DLGAP1: variants seen among roughly 807,000 people sequenced by gnomAD.
The protein encoded by DLGAP1 is disks large-associated protein 1.
Under a neutral mutation model 90.8 loss-of-function variants are expected in DLGAP1, and 11 were observed. The ratio of observed to expected loss-of-function variants is 0.12; its 90% CI spans 0.08 to 0.20. The LOEUF is 0.20. Among genes scored for constraint, DLGAP1 ranks in the 10% least tolerant of loss-of-function variants. DLGAP1 has a pLI of 1.00. For synonymous variants in DLGAP1, 558 were observed against 540.7 expected (o/e 1.03, Z -0.44); for missense variants, 1,050 against 1,333.8 (o/e 0.79, Z 3.31).
intron 7 of DLGAP1, among the ~76,000 whole-genome samples, chr18:3,600,969 GATAGATATATAGAT>G (rs1469091367): frequency 5.7e-5 from 5 of 87,502 alleles, no homozygotes; most frequent in African/African-American, 1.8e-4. Context: ...TAGATATATA[GATAGATATATAGAT>G]ATAGATATAT....
At chr18:4,206,357 C>T (rs1269877430) in intron 1 of DLGAP1, among the ~76,000 whole-genome samples, 3 of 152,048 alleles carry the variant, frequency 2.0e-5, no homozygotes, top group African/African-American at 7.2e-5. Context: ...GCAAAAATGA[C>T]TGAGTCTGGG....
intron 1 of DLGAP1, among the ~76,000 whole-genome samples, chr18:4,184,071 G>A (rs1167200029): frequency 6.6e-6 from 1 of 152,110 alleles, no homozygotes; most frequent in Non-Finnish European, 1.5e-5. Flanking sequence ...AAAGAAGAGC[G>A]TTAAATATTT....
chr18:3,737,570 A>G (rs2062703274), intron 6 of DLGAP1, among the ~76,000 whole-genome samples: 1 of 151,566 alleles, frequency 6.6e-6, no homozygotes, highest in African/African-American at 2.4e-5. Flanking sequence ...ACAAAATTCA[A>G]CAAGCCTTCA....
At chr18:3,610,667 T>C (rs1379179550) in intron 7 of DLGAP1, among the ~76,000 whole-genome samples, 1 of 150,854 alleles carries the variant, frequency 6.6e-6, no homozygotes, top group Non-Finnish European at 1.5e-5. Flanking sequence ...AAATGCTGTC[T>C]ACTAAAAATA....
At chr18:3,998,459 C>T (rs1007528565) in intron 3 of DLGAP1, among the ~76,000 whole-genome samples, 4 of 150,058 alleles carry the variant, frequency 2.7e-5, no homozygotes, top group African/African-American at 9.9e-5. Flanking sequence ...ATTCCAGGTC[C>T]GTCTTGTACA....
At position 4,069,100 on chromosome 18, in the gene DLGAP1, C is replaced by G. The variant is rs2075410297; in HGVS notation, c.-158-63899G>C. Among the ~76,000 whole-genome samples the G allele has an allele frequency of 3.3e-5, 5 of 152,146 alleles. No individual in the cohort carries two copies. In the South Asian group the frequency reaches 1.0e-3, roughly 32 times the overall value. On this transcript the variant is annotated intron_variant, in intron 2 of 12. Transcript: ENST00000315677. ...TCTGAGAGTATATAGATAGATATTA[C>G]CTGGCATGCAGCACAATCATGACTG...
At chr18:4,247,764 A>C (rs2078685019) in intron 1 of DLGAP1, among the ~76,000 whole-genome samples, 1 of 151,972 alleles carries the variant, frequency 6.6e-6, no homozygotes, top group Non-Finnish European at 1.5e-5. Context: ...GTGACAGAGC[A>C]AGACTCCATC....
At chr18:4,211,276 G>C (rs190113885) in intron 1 of DLGAP1, among the ~76,000 whole-genome samples, 71 of 152,250 alleles carry the variant, frequency 4.7e-4, no homozygotes, top group Non-Finnish European at 7.6e-4. Flanking sequence ...CATGAATCAC[G>C]AGCAGCTTGT....
At chr18:3,579,266 A>C (rs1433521833) in intron 8 of DLGAP1, among the ~76,000 whole-genome samples, 1 of 152,208 alleles carries the variant, frequency 6.6e-6, no homozygotes, top group East Asian at 1.9e-4. Context: ...ACTTGTGTGC[A>C]ATGGCATGAT....
chr18:4,055,472 G>T (rs7228403), intron 2 of DLGAP1, among the ~76,000 whole-genome samples: 27,995 of 152,056 alleles, frequency 0.18, 2,693 homozygotes, highest in Non-Finnish European at 0.2. Flanking sequence ...GTCGTCTGTT[G>T]TTCTCTTCTT....
chr18:4,414,107 A>G (rs532402336), intron 1 of DLGAP1, among the ~76,000 whole-genome samples: 1 of 152,206 alleles, frequency 6.6e-6, no homozygotes, highest in Non-Finnish European at 1.5e-5. Flanking sequence ...TTCATCTCCA[A>G]TGTGAATGAA....
At chr18:4,312,732 A>C (rs1184218898) in intron 1 of DLGAP1, among the ~76,000 whole-genome samples, 2 of 152,158 alleles carry the variant, frequency 1.3e-5, no homozygotes, top group Non-Finnish European at 2.9e-5. Flanking sequence ...TTTTATTTCT[A>C]ATATTATATT....
intron 2 of DLGAP1, among the ~76,000 whole-genome samples, chr18:4,064,928 A>C (rs1375572740): frequency 1.3e-5 from 2 of 152,198 alleles, no homozygotes; most frequent in African/African-American, 2.4e-5. Context: ...AAAAATCCTC[A>C]ACAAAATACT....
At chr18:4,168,182 C>T (rs1327783057) in intron 1 of DLGAP1, among the ~76,000 whole-genome samples, 7 of 152,174 alleles carry the variant, frequency 4.6e-5, no homozygotes, top group African/African-American at 1.7e-4. Flanking sequence ...TACTTATATT[C>T]AGGCTTGATA....
chr18:3,593,033 A>G (rs750718830), intron 7 of DLGAP1, among the ~76,000 whole-genome samples: 2 of 152,020 alleles, frequency 1.3e-5, no homozygotes, highest in Non-Finnish European at 2.9e-5. Context: ...GACATCCCTA[A>G]CTCATCTAGA....
At chr18:4,358,581 A>G (rs1383979161) in intron 1 of DLGAP1, among the ~76,000 whole-genome samples, 1 of 152,244 alleles carries the variant, frequency 6.6e-6, no homozygotes, top group Non-Finnish European at 1.5e-5. Context: ...CATTAGAGAT[A>G]TAACTGCAGA....
chr18:4,328,237 T>C (rs1440086681), intron 1 of DLGAP1, among the ~76,000 whole-genome samples: 1 of 151,990 alleles, frequency 6.6e-6, no homozygotes, highest in Non-Finnish European at 1.5e-5. Flanking sequence ...GCTCTCTCTC[T>C]TTAAGCTGTG....
Position 4,019,145 on chromosome 18 carries a change from A to G in DLGAP1, c.-158-13944T>C, listed in dbSNP as rs375894064. On this transcript the variant is annotated intron_variant, in intron 2 of 12. Transcript: ENST00000315677. ...CTATTCTGCTCCATCTAATGATCCA[A>G]TTCCTCTTCCTCTGAGTGTCTGGGC... Among the ~76,000 whole-genome samples the G allele has an allele frequency of 7.1e-4, 108 of 152,270 alleles. 1 individual carries two copies. In the South Asian group the frequency reaches 0.021, roughly 29 times the overall value.
At chr18:3,705,562 C>T (rs928167461) in intron 7 of DLGAP1, among the ~76,000 whole-genome samples, 5 of 151,590 alleles carry the variant, frequency 3.3e-5, no homozygotes, top group African/African-American at 9.7e-5. Flanking sequence ...TATTGTTTCA[C>T]CAAGGGCCCA....
Sources: gnomAD v4.1 joint callset for allele counts (sites outside exome capture counted in the v4.1 genomes callset) on GRCh38, gnomAD v4.1.1 for gene constraint, MANE v1.5 for transcripts, NCBI Gene and HGNC (gene_info 2026-07-23, HGNC 2026-07-21) for gene names.